The following SLC37A3 variants were observed in gnomAD, a reference collection of about 807,000 sequenced individuals.
SLC37A3 encodes the protein solute carrier family 37 member 3.
A neutral mutation model predicts 67.1 loss-of-function variants in SLC37A3; 51 were observed. The ratio of observed to expected loss-of-function variants is 0.76; its 90% CI spans 0.61 to 0.96. The LOEUF (loss-of-function observed/expected upper bound fraction) is 0.96. Ranked by LOEUF, SLC37A3 falls within the 40% of genes least tolerant of loss-of-function variation. The pLI is 0.00. For synonymous variants in SLC37A3, 214 were observed against 231.4 expected, an observed-to-expected ratio of 0.92 and a Z score of 0.68; for missense variants, 508 against 603.0, an observed-to-expected ratio of 0.84 and a Z score of 1.65.
intron 3 of SLC37A3, among the ~76,000 whole-genome samples, chr7:140,373,391 A>G (rs1239933626): frequency 2.0e-5 from 3 of 152,196 alleles, no homozygotes; most frequent in Non-Finnish European, 4.4e-5. Flanking sequence ...CTTGGCATCT[A>G]TTTCCTCAAA....
chr7:140,397,902 C>T (rs1402533672), intron 1 of SLC37A3, among the ~76,000 whole-genome samples: 2 of 152,158 alleles, frequency 1.3e-5, no homozygotes, highest in African/African-American at 4.8e-5. Context: ...GAGGGAATGA[C>T]GAATAATTTG....
chr7:140,392,238 T>C (rs73163234), intron 1 of SLC37A3, among the ~76,000 whole-genome samples: 5,714 of 152,268 alleles, frequency 0.038, 153 homozygotes, highest in South Asian at 0.13. Flanking sequence ...CCAGCCCAGA[T>C]AGTCGCTAAC....
At chr7:140,361,528 CCCCTCCCTCTCTCCCTCT>C (rs1563027351) in intron 5 of SLC37A3, among the ~76,000 whole-genome samples, 1 of 100,012 alleles carries the variant, frequency 1.0e-5, no homozygotes, top group Non-Finnish European at 2.0e-5. Context: ...CCTCCCCCTC[CCCCTCCCTCTCTCCCTCT>C]CCGTCTCCCT....
At chr7:140,346,059 A>C (rs1796546334) in intron 10 of SLC37A3, 89 bp from the exon 11 acceptor site, 1 of 903,932 alleles carries the variant, frequency 1.1e-6, no homozygotes, top group Non-Finnish European at 1.8e-6. Context: ...TAGTCTCACT[A>C]GCAGCAGCCT....
intron 3 of SLC37A3, among the ~76,000 whole-genome samples, chr7:140,378,937 C>T (rs1353307612): frequency 1.3e-5 from 2 of 151,810 alleles, no homozygotes; most frequent in African/African-American, 4.8e-5. Flanking sequence ...ATCCCAGCTA[C>T]TCAGGAGGCT....
At chr7:140,355,479 G>C (rs987011524) in intron 7 of SLC37A3, among the ~76,000 whole-genome samples, 189 bp downstream of exon 7, 1 of 152,180 alleles carries the variant, frequency 6.6e-6, no homozygotes, top group Admixed American at 6.5e-5. Flanking sequence ...CTCCCAAAGT[G>C]CTGGGGTTAT....
intron 5 of SLC37A3, among the ~76,000 whole-genome samples, chr7:140,362,781 A>C (rs1484037952): frequency 2.1e-5 from 1 of 47,172 alleles, no homozygotes; most frequent in Non-Finnish European, 4.2e-5. Context: ...AGGTGGGGGG[A>C]TCAGCCCCCC....
At chr7:140,358,938 C>T (rs1585294840) in intron 5 of SLC37A3, among the ~76,000 whole-genome samples, 153 bp from the exon 6 acceptor site, 1 of 152,156 alleles carries the variant, frequency 6.6e-6, no homozygotes, top group South Asian at 2.1e-4. Context: ...TCACAAAGGT[C>T]CTGCTCAGAG....
At chr7:140,363,314 T>C (rs1433216853) in intron 5 of SLC37A3, among the ~76,000 whole-genome samples, 1 of 88,014 alleles carries the variant, frequency 1.1e-5, no homozygotes, top group Non-Finnish European at 2.5e-5. Flanking sequence ...TGGATAGAAG[T>C]AGACATGGGA....
intron 3 of SLC37A3, among the ~76,000 whole-genome samples, chr7:140,375,941 C>A (rs1798015176): frequency 6.6e-6 from 1 of 152,196 alleles, no homozygotes; most frequent in African/African-American, 2.4e-5. Context: ...TTCCCTGCAA[C>A]CGCAGTGTTC....
intron 6 of SLC37A3, 138 bp downstream of exon 6, chr7:140,358,502 T>G: frequency 1.7e-6 from 2 of 1,205,814 alleles, no homozygotes; most frequent in Admixed American, 4.1e-5. Context: ...AAACCCTCTC[T>G]CCCTGAACAA....
intron 14 of SLC37A3, among the ~76,000 whole-genome samples, chr7:140,336,460 C>T (rs924127950): frequency 6.6e-6 from 1 of 152,172 alleles, no homozygotes; most frequent in Non-Finnish European, 1.5e-5. Flanking sequence ...CAAGGCCTTA[C>T]TCTGTATTGG....
At chr7:140,357,489 C>A (rs567456790) in intron 6 of SLC37A3, among the ~76,000 whole-genome samples, 1 of 148,890 alleles carries the variant, frequency 6.7e-6, no homozygotes. Context: ...CCCAGCACTT[C>A]GGGAGGCCGA....
At chr7:140,357,550 C>A (rs1797080417) in intron 6 of SLC37A3, among the ~76,000 whole-genome samples, 1 of 148,696 alleles carries the variant, frequency 6.7e-6, no homozygotes, top group Non-Finnish European at 1.5e-5. Context: ...GCAACACAGA[C>A]CCTTTCTCTA....
intron 9 of SLC37A3, among the ~76,000 whole-genome samples, chr7:140,350,572 G>A (rs567179413): frequency 5.3e-5 from 8 of 152,134 alleles, no homozygotes; most frequent in South Asian, 2.1e-4. Context: ...AGACCATCCC[G>A]GCTAACACAG....
rs1026597306 is a variant in SLC37A3 at position 140,382,552 on chromosome 7, T to G, written c.-26A>C. The stretch of plus-strand genomic sequence containing the variant: ...GTTCTTCCTGACCTTCCTTCTCACC[T>G]TTGACCTTAAGGTTTGGATGAGTGA... On this transcript the variant is annotated 5_prime_UTR_variant, in exon 2 of 15. Transcript: ENST00000326232. 1.9e-6 allele frequency: 3 copies of G among 1,605,378 alleles called. No individual in the cohort carries two copies. In the African/African-American group the frequency reaches 4.0e-5, roughly 21 times the overall value.
At chr7:140,372,276 G>T (rs1797852252) in intron 3 of SLC37A3, among the ~76,000 whole-genome samples, 1 of 152,206 alleles carries the variant, frequency 6.6e-6, no homozygotes, top group Admixed American at 6.5e-5. Flanking sequence ...TCTTCAATAG[G>T]ATGGGAGATG....
chr7:140,358,803 A>G lies in SLC37A3; in HGVS notation c.376-18T>C. The G allele has an allele frequency of 6.2e-7, 1 of 1,613,950 alleles. No individual in the cohort carries two copies. Among genetic ancestry groups the G allele is most frequent in the Non-Finnish European group, 8.5e-7 (1 of 1,179,932 alleles). ...ACAAACACCTTGAAGAGGAGGAAACAAAAGGAATATGTAACAGCCACACTG... is the reference window on the plus strand; with the variant it reads ...ACAAACACCTTGAAGAGGAGGAAACGAAAGGAATATGTAACAGCCACACTG... On this transcript the variant is annotated intron_variant, in intron 5 of 14. Transcript: ENST00000326232.
At chr7:140,394,731 CTT>C (rs946609977) in intron 1 of SLC37A3, among the ~76,000 whole-genome samples, 2 of 151,448 alleles carry the variant, frequency 1.3e-5, no homozygotes, top group African/African-American at 4.8e-5. Context: ...GCCTCAGCCT[CTT>C]GAGTAGCTGG....
Sources: allele counts gnomAD v4.1 joint callset (sites outside exome capture counted in the v4.1 genomes callset), GRCh38; gene constraint gnomAD v4.1.1; transcripts MANE v1.5; gene names NCBI Gene and HGNC (gene_info 2026-07-23, HGNC 2026-07-21).